Variants in C1GALT1 observed in about 807,000 individuals in gnomAD.
C1GALT1 encodes glycoprotein-N-acetylgalactosamine 3-beta-galactosyltransferase 1.
In C1GALT1, 11 loss-of-function variants were observed where a neutral mutation model predicts 31.0. The observed-to-expected ratio is 0.36, with a 90% confidence interval of 0.22 to 0.59. The LOEUF (loss-of-function observed/expected upper bound fraction) is 0.59, where lower values mean the gene tolerates loss of function less well. Ranked by LOEUF, C1GALT1 falls within the 20% of genes least tolerant of loss-of-function variation. The probability of loss-of-function intolerance (pLI) is 0.79; values close to 1 mark genes in which losing one functional copy is unlikely to be tolerated. For synonymous variants in C1GALT1, 175 were observed against 143.6 expected (o/e 1.22, Z -1.56); for missense variants, 424 against 425.2 (o/e 1.00, Z 0.03).
At chr7:7,208,514 C>T (rs1781851274) in intron 1 of C1GALT1, among the ~76,000 whole-genome samples, 1 of 152,086 alleles carries the variant, frequency 6.6e-6, no homozygotes, top group Non-Finnish European at 1.5e-5. Flanking sequence ...CTTTTGAATG[C>T]CTCAGTCCTT....
At position 7,237,562 on chromosome 7, in the gene C1GALT1, A is replaced by G. The variant is rs184926005; in HGVS notation, c.221-693A>G. Among the ~76,000 whole-genome samples, 188 of 152,314 alleles carry G rather than the reference A, an allele frequency of 1.2e-3. 1 individual carries two copies. The highest frequency in any genetic ancestry group is 4.1e-3 in the African/African-American group (169 of 41,574). Reference sequence around the variant, plus strand: ...AGTTTAAAGAGCACTGCTCTAGACCATCTTGGAATTCCCATGTCTACCATT... The same window carrying G: ...AGTTTAAAGAGCACTGCTCTAGACCGTCTTGGAATTCCCATGTCTACCATT... On this transcript the variant is annotated intron_variant, in intron 2 of 3. Coordinates refer to ENST00000436587, the MANE Select transcript of C1GALT1 (RefSeq NM_020156.5).
At chr7:7,222,091 A>G (rs898646700) in intron 1 of C1GALT1, among the ~76,000 whole-genome samples, 1 of 152,162 alleles carries the variant, frequency 6.6e-6, no homozygotes, top group African/African-American at 2.4e-5. Context: ...TCCATAGAAT[A>G]CTTTCTAATA....
intron 2 of C1GALT1, among the ~76,000 whole-genome samples, chr7:7,236,806 G>C (rs1476920079): frequency 2.0e-5 from 3 of 152,144 alleles, no homozygotes; most frequent in Non-Finnish European, 4.4e-5. Flanking sequence ...TTACAGGCCT[G>C]AGCCACTGTG....
Position 7,244,782 on chromosome 7 carries a change from A to C in C1GALT1, c.*1055A>C, listed in dbSNP as rs1298421017. Reference sequence around the variant, plus strand: ...ATAGGATCTGAGGTGGCTATTAGTTACAGTGGCAAGATTATTTAGAAAGCA... The same window carrying C: ...ATAGGATCTGAGGTGGCTATTAGTTCCAGTGGCAAGATTATTTAGAAAGCA... On this transcript the variant is annotated 3_prime_UTR_variant, in exon 4 of 4. Coordinates refer to ENST00000436587, the MANE Select transcript of C1GALT1 (RefSeq NM_020156.5). 3 of 152,232 alleles carry C rather than the reference A, an allele frequency of 2.0e-5. No individual in the cohort carries two copies. Among genetic ancestry groups the C allele is most frequent in the African/African-American group, 7.2e-5 (3 of 41,474 alleles). The allele number at this position is 152,232 out of a possible 1,614,324, so 9.4% of individuals were successfully genotyped here.
At chr7:7,239,938 C>G (rs1269116928) in intron 3 of C1GALT1, among the ~76,000 whole-genome samples, 1 of 152,176 alleles carries the variant, frequency 6.6e-6, no homozygotes, top group Non-Finnish European at 1.5e-5. Flanking sequence ...CAGTGAATAA[C>G]TGAATGAGAC....
Position 7,182,664 on chromosome 7 carries a change from G to C in C1GALT1, c.-174G>C, listed in dbSNP as rs1267939281. 2.6e-6 allele frequency: 1 copy of C among 388,328 alleles called. No individual in the cohort carries two copies. The highest frequency in any genetic ancestry group is 3.5e-6 in the Non-Finnish European group (1 of 284,126). 24.1% of individuals were successfully genotyped at this position (388,328 alleles called of 1,614,324 possible). A position where few individuals can be genotyped will look rare whatever the true frequency, so the allele number is the denominator to read the frequency against. On this transcript the variant is annotated 5_prime_UTR_variant, in exon 1 of 4. Coordinates refer to ENST00000436587, the MANE Select transcript of C1GALT1 (RefSeq NM_020156.5). ...CCGCCTTGGCCGCCGCCGCTGTGCTGCCGCTGCCGGGGAATAATCTGGGCG... is the reference window on the plus strand; with the variant it reads ...CCGCCTTGGCCGCCGCCGCTGTGCTCCCGCTGCCGGGGAATAATCTGGGCG...
chr7:7,223,392 A>C (rs1175412559), intron 1 of C1GALT1, among the ~76,000 whole-genome samples: 1 of 152,096 alleles, frequency 6.6e-6, no homozygotes, highest in Non-Finnish European at 1.5e-5. Flanking sequence ...GGAACTCCTG[A>C]CCTCAAGAGA....
At chr7:7,231,936 G>T (rs1426764120) in intron 1 of C1GALT1, among the ~76,000 whole-genome samples, 6 of 152,206 alleles carry the variant, frequency 3.9e-5, no homozygotes, top group African/African-American at 2.4e-5. Flanking sequence ...GTAAAGATTG[G>T]TCTATTTTTG....
chr7:7,195,846 A>T (rs960234557), intron 1 of C1GALT1, among the ~76,000 whole-genome samples: 2 of 152,136 alleles, frequency 1.3e-5, no homozygotes, highest in African/African-American at 4.8e-5. Context: ...TAAATTAGGG[A>T]ACTCCAATGT....
rs554937194 is a variant in C1GALT1, at chr7:7,176,482, A to T, written c.-18+19056A>T. On this transcript the variant is annotated intron_variant, in intron 2 of 3. Coordinates refer to the C1GALT1 transcript ENST00000429911. ...TCAATTGAGAAAACAATTAAGGAAC[A>T]CTCCTGATTCTTATTCCAGGGAACT... Among the ~76,000 whole-genome samples, 234 of 152,282 alleles carry T rather than the reference A, an allele frequency of 1.5e-3. 2 individuals carry two copies. The highest frequency in any genetic ancestry group is 0.01 in the Middle Eastern group (3 of 294).
At chr7:7,213,232 G>A (rs113461777) in intron 1 of C1GALT1, among the ~76,000 whole-genome samples, 4,124 of 152,120 alleles carry the variant, frequency 0.027, 204 homozygotes, top group African/African-American at 0.095. Flanking sequence ...ATTATAAACC[G>A]TCTTTTGAGA....
intron 1 of C1GALT1, among the ~76,000 whole-genome samples, chr7:7,217,366 C>T (rs552489736): frequency 1.3e-5 from 2 of 150,900 alleles, no homozygotes; most frequent in African/African-American, 2.5e-5. Flanking sequence ...TACCTGCCCC[C>T]ACCTTTTTTT....
intron 2 of C1GALT1, among the ~76,000 whole-genome samples, chr7:7,164,827 G>A (rs373067745): frequency 6.6e-6 from 1 of 152,240 alleles, no homozygotes; most frequent in African/African-American, 2.4e-5. Context: ...TCATCTGCTG[G>A]CAGCACTCCC....
intron 1 of C1GALT1, among the ~76,000 whole-genome samples, chr7:7,218,752 A>C (rs752572551): frequency 5.9e-5 from 9 of 152,178 alleles, no homozygotes; most frequent in Non-Finnish European, 1.2e-4. Flanking sequence ...GGAAAGGTCC[A>C]TTTGGTAGCA....
At chr7:7,159,127 A>G (rs1422289111) in intron 2 of C1GALT1, among the ~76,000 whole-genome samples, 1 of 152,184 alleles carries the variant, frequency 6.6e-6, no homozygotes, top group South Asian at 2.1e-4. Context: ...AAAAAAAGTC[A>G]AGAATCATGA....
chr7:7,161,723 CT>C (rs1780335598), intron 2 of C1GALT1, among the ~76,000 whole-genome samples: 1 of 152,008 alleles, frequency 6.6e-6, no homozygotes, highest in Non-Finnish European at 1.5e-5. Flanking sequence ...TTTTCTAATA[CT>C]TCATACTCTA....
intron 1 of C1GALT1, among the ~76,000 whole-genome samples, chr7:7,198,197 G>T (rs1244126319): frequency 6.6e-6 from 1 of 152,146 alleles, no homozygotes; most frequent in African/African-American, 2.4e-5. Context: ...ATTATTTTAA[G>T]ATATGTCCCA....
chr7:7,184,789 T>G (rs1780739987), intron 1 of C1GALT1, among the ~76,000 whole-genome samples: 1 of 151,986 alleles, frequency 6.6e-6, no homozygotes. Flanking sequence ...AACCATCTTT[T>G]CTTTTAGAAG....
At chr7:7,217,289 C>T in intron 1 of C1GALT1, among the ~76,000 whole-genome samples, 1 of 152,048 alleles carries the variant, frequency 6.6e-6, no homozygotes, top group Non-Finnish European at 1.5e-5. Flanking sequence ...AAGGAAGAAG[C>T]TCCCCCATAC....
Sources: allele counts gnomAD v4.1 joint callset (sites outside exome capture counted in the v4.1 genomes callset), GRCh38; gene constraint gnomAD v4.1.1; transcripts MANE v1.5; gene names NCBI Gene and HGNC (gene_info 2026-07-23, HGNC 2026-07-21).